Variants in BRPF1 observed in about 807,000 individuals in gnomAD.
BRPF1 encodes bromodomain and PHD finger containing 1, also known as peregrin.
In BRPF1, 15 loss-of-function variants were observed where a neutral mutation model predicts 115.0. The ratio of observed to expected loss-of-function variants is 0.13; its 90% confidence interval spans 0.09 to 0.20. The LOEUF (loss-of-function observed/expected upper bound fraction) is 0.20, where lower values mean the gene tolerates loss of function less well. Among genes scored for constraint, BRPF1 ranks in the 10% least tolerant of loss-of-function variants. BRPF1 has a pLI of 1.00. For synonymous variants in BRPF1, 647 were observed against 619.8 expected (o/e 1.04, Z -0.65); for missense variants, 1,118 against 1,638.3 (o/e 0.68, Z 5.48).
At position 9,747,735 on chromosome 3, in the gene BRPF1, A is replaced by T. The variant is rs961667121; in HGVS notation, c.*386A>T. ...TGGGGCCCCTACCGGTCGTGAGGTG[A>T]GTGGGCATCTGTCCAGCCTGGAAGA... On this transcript the variant is annotated 3_prime_UTR_variant, in exon 14 of 14. Transcript: ENST00000383829. The surrounding 1 kb of genome is among the most constrained non-coding windows in gnomAD (Gnocchi z 5.6). 5.6e-6 allele frequency: 1 copy of T among 178,142 alleles called. No homozygotes were observed. The highest frequency in any genetic ancestry group is 2.3e-5 in the African/African-American group (1 of 42,772). 11.0% of individuals were successfully genotyped at this position (178,142 alleles called of 1,614,324 possible).
intron 2 of BRPF1, among the ~76,000 whole-genome samples, chr3:9,738,548 A>G (rs2076978961): frequency 6.6e-6 from 1 of 152,232 alleles, no homozygotes; most frequent in Non-Finnish European, 1.5e-5. Flanking sequence ...AAAACAACTT[A>G]TATGTAATTT....
At chr3:9,746,075 A>G in intron 12 of BRPF1, 145 bp downstream of exon 12, 1 of 1,062,992 alleles carries the variant, frequency 9.4e-7, no homozygotes, top group Non-Finnish European at 1.4e-6. Context: ...CTTGAGTACC[A>G]CTTAGAGGCT....
At chr3:9,744,191 C>T (rs575145173) in intron 8 of BRPF1, 33 bp from the exon 9 acceptor site, 1 of 1,512,826 alleles carries the variant, frequency 6.6e-7, no homozygotes, top group Admixed American at 2.3e-5. Context: ...TCAGGCCCCT[C>T]ACCAACTCTC....
chr3:9,747,030 A>G lies in BRPF1; in HGVS notation c.3480-136A>G, dbSNP rs2077139367. On this transcript the variant is annotated intron_variant, in intron 13 of 13. Transcript: ENST00000383829. The surrounding 1 kb of genome is among the most constrained non-coding windows in gnomAD (Gnocchi z 5.6). ...GCTCTTTCATCTCTAGACCATGAAC[A>G]GTCCTTTGAGGGCAGGGACCATCAC... 33 of 941,246 alleles carry G rather than the reference A, an allele frequency of 3.5e-5. No individual in the cohort carries two copies. In the South Asian group the frequency reaches 4.9e-4, roughly 14 times the overall value. The allele number at this position is 941,246 out of a possible 1,614,324, so 58.3% of individuals were successfully genotyped here.
rs2077138778 is a variant in BRPF1, at chr3:9,747,003, G to C, written c.3480-163G>C. ...CCACCACACAGTATAACTGTTGACT[G>C]GGCTCTTTCATCTCTAGACCATGAA... On this transcript the variant is annotated intron_variant, in intron 13 of 13. Transcript: ENST00000383829. This position sits in a 1 kb window ranked among gnomAD's most constrained non-coding sequence, Gnocchi z 5.6. Among the ~76,000 whole-genome samples the C allele has an allele frequency of 6.6e-6, 1 of 152,114 alleles. No individual in the cohort carries two copies. The highest frequency in any genetic ancestry group is 1.5e-5 in the Non-Finnish European group (1 of 68,026).
intron 1 of BRPF1, among the ~76,000 whole-genome samples, chr3:9,733,829 C>G (rs1364199472): frequency 6.6e-6 from 1 of 152,166 alleles, no homozygotes; most frequent in African/African-American, 2.4e-5. Flanking sequence ...CTGGGAGCAT[C>G]AGGAGGCTTT....
rs765682102 is a variant in BRPF1 at position 9,734,133 on chromosome 3, G to T, written c.-8G>T. On this transcript the variant is annotated splice_region_variant and 5_prime_UTR_variant, in exon 2 of 14. It removes an upstream start codon present in the reference 5' UTR. Coordinates refer to ENST00000383829, the MANE Select transcript of BRPF1 (RefSeq NM_001003694.2). This position sits in a 1 kb window ranked among gnomAD's most constrained non-coding sequence, Gnocchi z 5.7. ...GTTAACTGATCTGTGTATTCTAGATGTGACAGCATGGGGGTGGACTTTGAT... is the reference window on the plus strand; with the variant it reads ...GTTAACTGATCTGTGTATTCTAGATTTGACAGCATGGGGGTGGACTTTGAT... 3.8e-6 allele frequency: 6 copies of T among 1,593,560 alleles called. No homozygotes were observed. The African/African-American group carries it at 8.1e-5, about 21-fold the overall frequency.
At chr3:9,733,314 T>G (rs1415268520) in intron 1 of BRPF1, 1 of 152,300 alleles carries the variant, frequency 6.6e-6, no homozygotes. Flanking sequence ...TACATGGCCT[T>G]CATCCCATCT....
Position 9,734,113 on chromosome 3 carries a change from CTG to C in BRPF1, c.-10-17_-10-16del. 2 of 1,556,322 alleles carry C rather than the reference CTG, an allele frequency of 1.3e-6. No individual in the cohort carries two copies. Among genetic ancestry groups the C allele is most frequent in the Non-Finnish European group, 1.7e-6 (2 of 1,149,248 alleles). ...GAACTCATCCCCAGCCTTATGTTAA[CTG>C]ATCTGTGTATTCTAGATGTGACAGC... is the stretch of plus-strand genomic sequence containing the variant. On this transcript the variant is annotated splice_polypyrimidine_tract_variant and intron_variant, in intron 1 of 13. Coordinates refer to ENST00000383829, the MANE Select transcript of BRPF1 (RefSeq NM_001003694.2). This position sits in a 1 kb window ranked among gnomAD's most constrained non-coding sequence, Gnocchi z 5.7.
chr3:9,745,693 C>T lies in BRPF1; in HGVS notation c.3189C>T (p.Arg1063=), dbSNP rs878875807. ...ENEAYSVGTG[R]GVGHSMVRKS... ...AGGCCTACTCCGTGGGCACTGGCCGCGGCGTGGGCCACAGCAGTAAGTTCC... is the reference window on the plus strand; with the variant it reads ...AGGCCTACTCCGTGGGCACTGGCCGTGGCGTGGGCCACAGCAGTAAGTTCC... The change falls in exon 11 of 14, where the codon CGC becomes CGT. Residue 1063 remains arginine (R), a synonymous_variant. Coordinates refer to ENST00000383829, the MANE Select transcript of BRPF1 (RefSeq NM_001003694.2). The surrounding 1 kb of genome is among the most constrained non-coding windows in gnomAD (Gnocchi z 5.1). The T allele has an allele frequency of 1.1e-5, 17 of 1,614,100 alleles. No homozygotes were observed. The highest frequency in any genetic ancestry group is 1.6e-4 in the Middle Eastern group (1 of 6,084).
At position 9,743,800 on chromosome 3, in the gene BRPF1, C is replaced by T. The variant is rs770225970; in HGVS notation, c.2534C>T (p.Pro845Leu). The T allele has an allele frequency of 6.2e-7, 1 of 1,613,324 alleles. No individual in the cohort carries two copies. The highest frequency in any genetic ancestry group is 1.7e-5 in the Admixed American group (1 of 59,996). The change falls in exon 8 of 14, where the codon CCC (proline) becomes CTC (leucine). Residue 845 changes from proline (P) to leucine (L), a missense_variant. Physicochemically the swap from Pro to Leu is moderately conservative, Grantham distance 98 (BLOSUM62 -3). This residue lies in a region of BRPF1 where 223 missense variants were observed against 240.7 expected (regional missense o/e 0.93). Transcript: ENST00000383829. This position sits in a 1 kb window ranked among gnomAD's most constrained non-coding sequence, Gnocchi z 6.1. ...CGTGATGGCCCTGAGCGGCATGGCCCCTCGAGCCGGGGTAGTCTGACACCC... is the reference window on the plus strand; with the variant it reads ...CGTGATGGCCCTGAGCGGCATGGCCTCTCGAGCCGGGGTAGTCTGACACCC... ...TGRDGPERHG[P>L]SSRGSLTPHP...
At position 9,738,984 on chromosome 3, in the gene BRPF1, C is replaced by G; in HGVS notation, c.600-15C>G. ...TCTCAACCATGTGATGCTGAGTTCC[C>G]TGTTTGTACCGTAGGTACATCGAGA... On this transcript the variant is annotated splice_polypyrimidine_tract_variant and intron_variant, in intron 2 of 13. Transcript: ENST00000383829. The G allele has an allele frequency of 6.5e-7, 1 of 1,534,496 alleles. No homozygotes were observed.
At position 9,734,575 on chromosome 3, in the gene BRPF1, T is replaced by C; in HGVS notation, c.435T>C (p.Thr145=). 6.2e-7 allele frequency: 1 copy of C among 1,614,036 alleles called. No homozygotes were observed. Among genetic ancestry groups the C allele is most frequent in the Non-Finnish European group, 8.5e-7 (1 of 1,180,004 alleles). Residue 145 remains threonine, a synonymous_variant, in exon 2 of 14, where the codon ACT becomes ACC. Transcript: ENST00000383829. The surrounding 1 kb of genome is among the most constrained non-coding windows in gnomAD (Gnocchi z 5.7). ...NKENTETPAA[T]PKSGKHKNKE... ...AGAACACTGAGACACCAGCTGCTAC[T>C]CCCAAGTCAGGCAAACATAAGAACA...
At position 9,744,656 on chromosome 3, in the gene BRPF1, A is replaced by G. The variant is rs147777467; in HGVS notation, c.2920+148A>G. 1.6e-5 allele frequency: 11 copies of G among 672,746 alleles called. No homozygotes were observed. The East Asian group carries it at 3.2e-4, about 20-fold the overall frequency. 41.7% of individuals were successfully genotyped at this position (672,746 alleles called of 1,614,324 possible). A position where few individuals can be genotyped will look rare whatever the true frequency, so the allele number is the denominator to read the frequency against. On this transcript the variant is annotated intron_variant, in intron 9 of 13. Coordinates refer to ENST00000383829, the MANE Select transcript of BRPF1 (RefSeq NM_001003694.2). ...CTTTAACTCCACTCACTCATCTTACAGTTGGGAAAACTGAGGCCCAGAGAC... is the reference window on the plus strand; with the variant it reads ...CTTTAACTCCACTCACTCATCTTACGGTTGGGAAAACTGAGGCCCAGAGAC...
At chr3:9,744,581 A>G (rs1343326023) in intron 9 of BRPF1, 73 bp downstream of exon 9, 7 of 1,176,696 alleles carry the variant, frequency 5.9e-6, no homozygotes, top group Non-Finnish European at 7.1e-6. Context: ...ACTCCCAGTT[A>G]CCCCTTTATT....
At chr3:9,741,623 C>T (rs889908621) in intron 5 of BRPF1, among the ~76,000 whole-genome samples, 184 bp downstream of exon 5, 34 of 126,862 alleles carry the variant, frequency 2.7e-4, no homozygotes, top group East Asian at 1.2e-3. Context: ...GGCGACAGAG[C>T]GAGACTCCGT....
chr3:9,740,726 G>T (rs2077014500), intron 3 of BRPF1, 53 bp from the exon 4 acceptor site: 1 of 1,601,406 alleles, frequency 6.2e-7, no homozygotes. Flanking sequence ...CCCTTGCTCT[G>T]CTTAAGAGAA....
In BRPF1 at chr3:9,747,521, C is replaced by T. The variant is rs2077148855; in HGVS notation, c.*172C>T. The stretch of plus-strand genomic sequence containing the variant: ...CTGCCCTAAGTGCAGCTGGACTGTA[C>T]AGAACACTCCAAGGGCCAATGGCAG... On this transcript the variant is annotated 3_prime_UTR_variant, in exon 14 of 14. Coordinates refer to ENST00000383829, the MANE Select transcript of BRPF1 (RefSeq NM_001003694.2). This position sits in a 1 kb window ranked among gnomAD's most constrained non-coding sequence, Gnocchi z 5.6. 2 of 682,534 alleles carry T rather than the reference C, an allele frequency of 2.9e-6. No individual in the cohort carries two copies. Among genetic ancestry groups the T allele is most frequent in the Non-Finnish European group, 4.8e-6 (2 of 418,254 alleles). 42.3% of individuals were successfully genotyped at this position (682,534 alleles called of 1,614,324 possible).
chr3:9,743,563 C>T lies in BRPF1; in HGVS notation c.2312-15C>T. ...TGCCCTGAGTCTGACCTTTCCCCTCCAACCCTACCCCTAGCAGCCGAGGAA... is the reference window on the plus strand; with the variant it reads ...TGCCCTGAGTCTGACCTTTCCCCTCTAACCCTACCCCTAGCAGCCGAGGAA... On this transcript the variant is annotated splice_polypyrimidine_tract_variant and intron_variant, in intron 7 of 13. Coordinates refer to ENST00000383829, the MANE Select transcript of BRPF1 (RefSeq NM_001003694.2). The surrounding 1 kb of genome is among the most constrained non-coding windows in gnomAD (Gnocchi z 6.1). The T allele has an allele frequency of 1.9e-6, 3 of 1,605,562 alleles. No individual in the cohort carries two copies. Among genetic ancestry groups the T allele is most frequent in the Non-Finnish European group, 2.6e-6 (3 of 1,175,108 alleles).
Sources: gnomAD v4.1 joint callset for allele counts (sites outside exome capture counted in the v4.1 genomes callset) on GRCh38, gnomAD v4.1.1 for gene constraint, gnomAD v4.1.1 regional missense constraint, Gnocchi (gnomAD v3.1) non-coding constraint, MANE v1.5 for transcripts, NCBI Gene and HGNC (gene_info 2026-07-23, HGNC 2026-07-21) for gene names.